The following ESRRB variants were observed in gnomAD, a reference collection of about 807,000 sequenced individuals.
ESRRB encodes steroid hormone receptor ERR2.
Under a neutral mutation model 46.0 loss-of-function variants are expected in ESRRB, and 16 were observed. That is an observed-to-expected ratio of 0.35 (90% CI 0.24 to 0.53). The LOEUF (loss-of-function observed/expected upper bound fraction) is 0.53. Ranked by LOEUF, ESRRB falls within the 20% of genes least tolerant of loss-of-function variation. The probability of loss-of-function intolerance (pLI) is 0.93; values close to 1 mark genes in which losing one functional copy is unlikely to be tolerated. For missense variants in ESRRB, 488 were observed against 607.4 expected, an observed-to-expected ratio of 0.80 and a Z score of 2.07; for synonymous variants, 246 against 259.6, an observed-to-expected ratio of 0.95 and a Z score of 0.50.
chr14:76,344,795 T>G (rs1485112579), intron 1 of ESRRB, among the ~76,000 whole-genome samples: 1 of 150,040 alleles, frequency 6.7e-6, no homozygotes, highest in Non-Finnish European at 1.5e-5. Flanking sequence ...GAAGTTGCAG[T>G]GAGCTGAGAC....
intron 1 of ESRRB, among the ~76,000 whole-genome samples, chr14:76,393,900 A>G (rs1326401977): frequency 6.6e-6 from 1 of 152,082 alleles, no homozygotes; most frequent in Non-Finnish European, 1.5e-5. Context: ...TCCCAGGTTC[A>G]AGCGAATCTC....
rs1595060539 is a variant in ESRRB, at chr14:76,376,560, T to C, written c.50+109T>C. 16 of 796,118 alleles carry C rather than the reference T, an allele frequency of 2.0e-5. No homozygotes were observed. The East Asian group carries it at 4.7e-4, about 24-fold the overall frequency. 49.3% of individuals were successfully genotyped at this position (796,118 alleles called of 1,614,324 possible). On this transcript the variant is annotated intron_variant, in intron 1 of 6. Transcript: ENST00000644823. This position sits in a 1 kb window ranked among gnomAD's most constrained non-coding sequence, Gnocchi z 4.1. ...ATTCTTGTGTAAAAGTGGAAGGGAC[T>C]TCGGGGGGGCACTTGGGGGACGAAG...
chr14:76,464,980 G>A (rs1015237235), intron 3 of ESRRB, among the ~76,000 whole-genome samples: 1 of 151,960 alleles, frequency 6.6e-6, no homozygotes, highest in South Asian at 2.1e-4. Context: ...TGCTTGACCT[G>A]TTGTTCTCAC....
chr14:76,369,606 A>G (rs887056601), upstream of ESRRB, among the ~76,000 whole-genome samples: 3 of 152,036 alleles, frequency 2.0e-5, no homozygotes, highest in African/African-American at 4.8e-5. Context: ...ACCTGGAAGC[A>G]TTTGCTGGTT....
intron 1 of ESRRB, among the ~76,000 whole-genome samples, chr14:76,427,622 A>T (rs1428108059): frequency 6.6e-6 from 1 of 152,210 alleles, no homozygotes; most frequent in Non-Finnish European, 1.5e-5. Context: ...TTGCTTTAGC[A>T]TTAAACATTT....
upstream of ESRRB, among the ~76,000 whole-genome samples, chr14:76,369,510 G>A (rs997870379): frequency 1.3e-5 from 2 of 152,012 alleles, no homozygotes; most frequent in African/African-American, 2.4e-5. Flanking sequence ...CTGAGCTCAG[G>A]TGATCCACCT....
chr14:76,424,460 T>C (rs755985002), intron 1 of ESRRB, among the ~76,000 whole-genome samples: 27 of 152,286 alleles, frequency 1.8e-4, no homozygotes, highest in Admixed American at 7.8e-4. Flanking sequence ...GAAAGGGCCA[T>C]GGCCATGACC....
rs376528621 is a variant in ESRRB at position 76,480,094 on chromosome 14, C to G, written c.578-1922C>G. ...TGGTAGCTAGGCTGATCTTGAACTC[C>G]TGACCTCAAGGGCTACGGCCTCCCA... On this transcript the variant is annotated intron_variant, in intron 3 of 6. Transcript: ENST00000644823. Among the ~76,000 whole-genome samples the G allele has an allele frequency of 3.9e-5, 6 of 152,262 alleles. No individual in the cohort carries two copies. The South Asian group carries it at 1.2e-3, about 32-fold the overall frequency.
chr14:76,479,700 C>T (rs540773249), intron 3 of ESRRB, among the ~76,000 whole-genome samples: 6 of 152,274 alleles, frequency 3.9e-5, no homozygotes, highest in African/African-American at 1.4e-4. Context: ...CACCTTCGCT[C>T]TGTCCTTGTG....
intron 1 of ESRRB, among the ~76,000 whole-genome samples, chr14:76,414,243 C>A (rs1252894207): frequency 8.3e-6 from 1 of 120,164 alleles, no homozygotes; most frequent in Non-Finnish European, 1.7e-5. Flanking sequence ...GCACAAAAAC[C>A]CTGGTGTTAG....
At chr14:76,476,782 C>G (rs916965439) in intron 3 of ESRRB, among the ~76,000 whole-genome samples, 1 of 152,224 alleles carries the variant, frequency 6.6e-6, no homozygotes, top group Non-Finnish European at 1.5e-5. Context: ...TTGGTGTCCT[C>G]AGACAGCCAT....
At chr14:76,331,592 T>C (rs1566852820) in intron 1 of ESRRB, among the ~76,000 whole-genome samples, 1 of 152,138 alleles carries the variant, frequency 6.6e-6, no homozygotes, top group African/African-American at 2.4e-5. Context: ...GAAGGCCGAA[T>C]ATGGACTATC....
At chr14:76,474,288 CT>C (rs1407742434) in intron 3 of ESRRB, among the ~76,000 whole-genome samples, 21 of 152,334 alleles carry the variant, frequency 1.4e-4, no homozygotes, top group African/African-American at 5.1e-4. Context: ...GAAGTTACTA[CT>C]GAGTGCCTAC....
chr14:76,358,428 A>G (rs1042387603), intron 1 of ESRRB, among the ~76,000 whole-genome samples: 1 of 150,276 alleles, frequency 6.7e-6, no homozygotes, highest in East Asian at 1.9e-4. Context: ...AAAGAAAAAG[A>G]AAAAAATGGC....
chr14:76,453,625 T>G (rs1180741814), intron 2 of ESRRB, among the ~76,000 whole-genome samples: 3 of 142,428 alleles, frequency 2.1e-5, no homozygotes, highest in Non-Finnish European at 4.5e-5. Context: ...TGAGACTGGG[T>G]CTCGCTCTGT....
intron 1 of ESRRB, among the ~76,000 whole-genome samples, chr14:76,329,107 A>T (rs1433613281): frequency 6.6e-6 from 1 of 152,116 alleles, no homozygotes; most frequent in Non-Finnish European, 1.5e-5. Context: ...TTTAGGAAAA[A>T]GCAATTGGGT....
In ESRRB at chr14:76,414,668, T is replaced by TAAAAAAAA. The variant is rs71452810; in HGVS notation, c.51-24655_51-24648dup. Among the ~76,000 whole-genome samples, 822 of 116,694 alleles carry TAAAAAAAA rather than the reference T, an allele frequency of 7.0e-3. 9 individuals carry two copies. The highest frequency in any genetic ancestry group is 0.031 in the South Asian group (82 of 2,646). 76.6% of individuals were successfully genotyped at this position (116,694 alleles called of 152,430 possible). On this transcript the variant is annotated intron_variant, in intron 1 of 6. Transcript: ENST00000644823. The stretch of plus-strand genomic sequence containing the variant: ...TCTGCTGCTGTTTTTGTTTGTTCCT[T>TAAAAAAAA]AAAAAAAAAAAAAAAAAAAAAAAAA...
At chr14:76,436,065 G>A (rs538243451) in intron 1 of ESRRB, among the ~76,000 whole-genome samples, 193 of 152,352 alleles carry the variant, frequency 1.3e-3, no homozygotes, top group African/African-American at 4.6e-3. Flanking sequence ...AGCCCTGAGG[G>A]TCTTCATCCA....
At chr14:76,467,499 T>G (rs1595147983) in intron 3 of ESRRB, among the ~76,000 whole-genome samples, 3 of 60,612 alleles carry the variant, frequency 4.9e-5, no homozygotes, top group Non-Finnish European at 9.5e-5. Context: ...AGCCTCTGTC[T>G]CAAAAAAAAA....
Sources: allele counts gnomAD v4.1 joint callset (sites outside exome capture counted in the v4.1 genomes callset), GRCh38; gene constraint gnomAD v4.1.1; non-coding constraint Gnocchi (gnomAD v3.1); transcripts MANE v1.5; gene names NCBI Gene and HGNC (gene_info 2026-07-23, HGNC 2026-07-21).